DNAJC2: variants seen among roughly 807,000 people sequenced by gnomAD.
The protein encoded by DNAJC2 is dnaJ homolog subfamily C member 2.
DNAJC2 carries 32 observed loss-of-function variants against 94.0 expected under a neutral mutation model. The ratio of observed to expected loss-of-function variants is 0.34; its 90% CI spans 0.26 to 0.46. The LOEUF is 0.46. Among genes scored for constraint, DNAJC2 ranks in the 20% least tolerant of loss-of-function variants. The probability of loss-of-function intolerance (pLI) is 1.00; values close to 1 mark genes in which losing one functional copy is unlikely to be tolerated. For synonymous variants in DNAJC2, 210 were observed against 229.7 expected, an observed-to-expected ratio of 0.91 and a Z score of 0.77; for missense variants, 550 against 719.5, an observed-to-expected ratio of 0.76 and a Z score of 2.69.
chr7:103,339,328 T>G (rs1819292749), intron 2 of DNAJC2, among the ~76,000 whole-genome samples: 2 of 152,234 alleles, frequency 1.3e-5, no homozygotes, highest in African/African-American at 4.8e-5. Flanking sequence ...TACCTTACTC[T>G]GATACAATCT....
intron 3 of DNAJC2, chr7:103,329,122 G>A (rs1384655075): frequency 1.2e-5 from 5 of 434,496 alleles, no homozygotes; most frequent in Non-Finnish European, 1.9e-5. Flanking sequence ...ACTGGAAAAA[G>A]GAGGGGCTGT....
intron 3 of DNAJC2, chr7:103,329,097 G>T: frequency 1.4e-6 from 1 of 727,462 alleles, no homozygotes; most frequent in Non-Finnish European, 1.9e-6. Context: ...CAATTTTTTT[G>T]TTTTTCATCC....
chr7:103,314,510 C>T, intron 15 of DNAJC2: 2 of 985,398 alleles, frequency 2.0e-6, no homozygotes, highest in Non-Finnish European at 2.4e-6. Flanking sequence ...CTCCCTCCAA[C>T]ATGGAAACAA....
At chr7:103,338,496 C>G (rs1247283122) in intron 2 of DNAJC2, among the ~76,000 whole-genome samples, 1 of 151,224 alleles carries the variant, frequency 6.6e-6, no homozygotes, top group African/African-American at 2.4e-5. Context: ...AGGGTTTCAC[C>G]TTGTTGGTCA....
chr7:103,330,924 T>A (rs1183657398), intron 3 of DNAJC2, among the ~76,000 whole-genome samples: 1 of 151,536 alleles, frequency 6.6e-6, no homozygotes, highest in Non-Finnish European at 1.5e-5. Context: ...ACTTATGGGG[T>A]GCATGTGATT....
chr7:103,319,860 C>G lies in DNAJC2; in HGVS notation c.1084-16G>C. The G allele has an allele frequency of 6.2e-7, 1 of 1,612,682 alleles. No individual in the cohort carries two copies. Among genetic ancestry groups the G allele is most frequent in the Non-Finnish European group, 8.5e-7 (1 of 1,179,086 alleles). Reference sequence around the variant, plus strand: ...GATTCCAGGTCTAAAAGCACAAACACAAAAATAGTATCTACACTCAAAAAT... The same window carrying G: ...GATTCCAGGTCTAAAAGCACAAACAGAAAAATAGTATCTACACTCAAAAAT... On this transcript the variant is annotated splice_polypyrimidine_tract_variant and intron_variant, in intron 10 of 16. Transcript: ENST00000379263.
At chr7:103,316,715 G>A (rs1818079087) in intron 13 of DNAJC2, 115 bp downstream of exon 13, 3 of 885,768 alleles carry the variant, frequency 3.4e-6, no homozygotes, top group Non-Finnish European at 1.7e-6. Context: ...TTCTGCTGTG[G>A]CACAGAATTT....
Position 103,323,607 on chromosome 7 carries a change from T to C in DNAJC2, c.710A>G (p.Lys237Arg). 6.8e-7 allele frequency: 1 copy of C among 1,468,198 alleles called. No homozygotes were observed. The highest frequency in any genetic ancestry group is 2.0e-5 in the Admixed American group (1 of 48,990). 90.9% of individuals were successfully genotyped at this position (1,468,198 alleles called of 1,614,324 possible). A position where few individuals can be genotyped will look rare whatever the true frequency, so the allele number is the denominator to read the frequency against. Residue 237 changes from lysine to arginine, a missense_variant, in exon 7 of 17, where the codon AAA (lysine) becomes AGA (arginine). Lys to Arg is a conservative substitution (Grantham distance 26). Coordinates refer to ENST00000379263, the MANE Select transcript of DNAJC2 (RefSeq NM_014377.3). ...TGATTTGCATACATACCATTCTGCT[T>C]TTTCTTTTTCTTCTTCATCTAAATA... The part of the protein sequence containing the change: ...FSYLDEEEKE[K>R]AECRDERRWI...
At position 103,318,539 on chromosome 7, in the gene DNAJC2, C is replaced by T. The variant is rs147617453; in HGVS notation, c.1242+1070G>A. ...TCCTACACCTCATTTACTATGGGCT[C>T]TCCATCTTTTGGTCCTTAAGGTTCT... On this transcript the variant is annotated intron_variant, in intron 12 of 16. Transcript: ENST00000379263. 5.9e-4 allele frequency among the ~76,000 whole-genome samples: 90 copies of T among 152,270 alleles called. No individual in the cohort carries two copies. In the Middle Eastern group the frequency reaches 0.014, roughly 23 times the overall value.
intron 12 of DNAJC2, 27 bp downstream of exon 12, chr7:103,319,582 G>C (rs1197978275): frequency 8.1e-6 from 13 of 1,607,388 alleles, no homozygotes; most frequent in Non-Finnish European, 1.1e-5. Context: ...GCTACATATA[G>C]GTAGGAGTGA....
chr7:103,324,671 T>A (rs1818606730), intron 5 of DNAJC2, 109 bp from the exon 6 acceptor site: 1 of 1,028,504 alleles, frequency 9.7e-7, no homozygotes, highest in African/African-American at 1.7e-5. Context: ...TCCTCTGATT[T>A]CCCTTCCCTA....
chr7:103,318,177 T>C (rs894065517), intron 12 of DNAJC2, among the ~76,000 whole-genome samples: 1 of 152,066 alleles, frequency 6.6e-6, no homozygotes, highest in African/African-American at 2.4e-5. Flanking sequence ...TTTTGTCTGT[T>C]TTTTTTGAGA....
intron 5 of DNAJC2, among the ~76,000 whole-genome samples, chr7:103,326,221 G>A (rs545923514): frequency 3.3e-4 from 50 of 152,212 alleles, no homozygotes; most frequent in African/African-American, 1.1e-3. Context: ...CAGGTGATCC[G>A]TCCACCTCGG....
chr7:103,324,637 T>C (rs1818605028), intron 5 of DNAJC2, 75 bp from the exon 6 acceptor site: 9 of 1,209,950 alleles, frequency 7.4e-6, no homozygotes, highest in Non-Finnish European at 9.9e-6. Context: ...ATTTAATTTA[T>C]TAAAAACAAT....
chr7:103,316,355 T>C, intron 13 of DNAJC2: 1 of 283,220 alleles, frequency 3.5e-6, no homozygotes, highest in Non-Finnish European at 6.5e-6. Flanking sequence ...AAACCACTTA[T>C]TTGTGTATAC....
At chr7:103,338,449 A>G (rs949841535) in intron 2 of DNAJC2, among the ~76,000 whole-genome samples, 1 of 148,634 alleles carries the variant, frequency 6.7e-6, no homozygotes, top group Non-Finnish European at 1.5e-5. Context: ...GGTGCACACC[A>G]CCACGCCTGG....
chr7:103,323,091 G>C (rs546031826), intron 7 of DNAJC2, among the ~76,000 whole-genome samples: 1 of 152,004 alleles, frequency 6.6e-6, no homozygotes. Flanking sequence ...CACCATGCCT[G>C]GCTACTTTTT....
In DNAJC2 at chr7:103,316,962, C is replaced by T. The variant is rs567858919; in HGVS notation, c.1295G>A (p.Arg432His). The T allele has an allele frequency of 3.0e-5, 49 of 1,613,922 alleles. No individual in the cohort carries two copies. The East Asian group carries it at 4.5e-4, about 15-fold the overall frequency. ...TGTGTTCTTAGATGCTTGTCGCATA[C>T]GAGCCTCAGCTTCCTCTTTCTCTTT... ...IRKEKEEAEA[R>H]MRQASKNTEK... Residue 432 changes from arginine (R) to histidine (H), a missense_variant, in exon 13 of 17, where the codon CGT (arginine) becomes CAT (histidine). Transcript: ENST00000379263.
At chr7:103,327,500 C>G in intron 4 of DNAJC2, 156 bp downstream of exon 4, 1 of 683,180 alleles carries the variant, frequency 1.5e-6, no homozygotes, top group Non-Finnish European at 2.4e-6. Context: ...TCGTGAGGCT[C>G]TGGGGTGATG....
Sources: gnomAD v4.1 joint callset for allele counts (sites outside exome capture counted in the v4.1 genomes callset) on GRCh38, gnomAD v4.1.1 for gene constraint, MANE v1.5 for transcripts, NCBI Gene and HGNC (gene_info 2026-07-23, HGNC 2026-07-21) for gene names.